KDM1B: variants seen among roughly 807,000 people sequenced by gnomAD.
KDM1B encodes the protein lysine demethylase 1B.
Under a neutral mutation model 107.4 loss-of-function variants are expected in KDM1B, and 63 were observed. The observed-to-expected ratio is 0.59, with a 90% confidence interval of 0.48 to 0.72. KDM1B has a LOEUF of 0.72. KDM1B is among the 30% of genes least tolerant of loss of function. KDM1B has a pLI of 0.00. For missense variants in KDM1B, 749 were observed against 1,020.8 expected (o/e 0.73, Z 3.63); for synonymous variants, 363 against 363.9 (o/e 1.00, Z 0.03).
At chr6:18,215,776 G>T (rs142298994) in intron 20 of KDM1B, among the ~76,000 whole-genome samples, 10 of 147,076 alleles carry the variant, frequency 6.8e-5, no homozygotes, top group African/African-American at 2.5e-4. Context: ...TAAAAGGCTC[G>T]GTATTTTCTA....
At position 18,202,244 on chromosome 6, in the gene KDM1B, A is replaced by AG. The variant is rs1554148412; in HGVS notation, c.1531+590dup. Among the ~76,000 whole-genome samples the AG allele has an allele frequency of 3.4e-3, 491 of 143,562 alleles. 4 individuals carry two copies. The highest frequency in any genetic ancestry group is 0.013 in the African/African-American group (463 of 35,814). The allele number at this position is 143,562 out of a possible 152,430, so 94.2% of individuals were successfully genotyped here. ...GTGAGCCTTGTGTCTACAAAAAAAA[A>AG]GGGCGGGGGGCAAGCATGGTGGTGT... On this transcript the variant is annotated intron_variant, in intron 14 of 21. Coordinates refer to ENST00000650836, the MANE Select transcript of KDM1B (RefSeq NM_001364614.2).
Position 18,208,185 on chromosome 6 carries a change from C to A in KDM1B, c.1845C>A (p.Gly615=), listed in dbSNP as rs1305016882. 2 of 1,613,186 alleles carry A rather than the reference C, an allele frequency of 1.2e-6. No homozygotes were observed. Reference sequence around the variant, plus strand: ...AAGTGCAGGTTACCACTACAGATGGCACAGGGTATTCTGCACAAAAGGTAA... The same window carrying A: ...AAGTGCAGGTTACCACTACAGATGGAACAGGGTATTCTGCACAAAAGGTAA... ...GDEVQVTTTD[G]TGYSAQKVLV... The change falls in exon 17 of 22, where the codon GGC becomes GGA. Residue 615 remains glycine (G), a synonymous_variant. Coordinates refer to ENST00000650836, the MANE Select transcript of KDM1B (RefSeq NM_001364614.2).
chr6:18,191,064 G>A lies in KDM1B; in HGVS notation c.785-133G>A. 2 of 603,512 alleles carry A rather than the reference G, an allele frequency of 3.3e-6. No individual in the cohort carries two copies. The highest frequency in any genetic ancestry group is 1.8e-5 in the African/African-American group (1 of 54,080). The allele number at this position is 603,512 out of a possible 1,614,324, so 37.4% of individuals were successfully genotyped here. A position where few individuals can be genotyped will look rare whatever the true frequency, so the allele number is the denominator to read the frequency against. On this transcript the variant is annotated intron_variant, in intron 9 of 21. Transcript: ENST00000650836. This position sits in a 1 kb window ranked among gnomAD's most constrained non-coding sequence, Gnocchi z 5.1. ...GTACGTTTTGTCTAACTGGGTGGAG[G>A]AAGCAAAGGTATTTATGTAGGGTAG...
Position 18,203,810 on chromosome 6 carries a change from G to T in KDM1B, c.1532-1727G>T, listed in dbSNP as rs1278265314. 6.7e-6 allele frequency among the ~76,000 whole-genome samples: 1 copy of T among 149,478 alleles called. No homozygotes were observed. Among genetic ancestry groups the T allele is most frequent in the Non-Finnish European group, 1.5e-5 (1 of 67,722 alleles). ...AGAGGTTGCAGTGAGACAAGATCAGGCCATTGCACTTCAGTCTTGATGACA... is the reference window on the plus strand; with the variant it reads ...AGAGGTTGCAGTGAGACAAGATCAGTCCATTGCACTTCAGTCTTGATGACA... On this transcript the variant is annotated intron_variant, in intron 14 of 21. Coordinates refer to ENST00000650836, the MANE Select transcript of KDM1B (RefSeq NM_001364614.2). This position sits in a 1 kb window ranked among gnomAD's most constrained non-coding sequence, Gnocchi z 5.5.
chr6:18,156,912 G>A (rs1409912275), intron 2 of KDM1B, among the ~76,000 whole-genome samples: 2 of 151,904 alleles, frequency 1.3e-5, no homozygotes, highest in African/African-American at 2.4e-5. Context: ...GGAAGACTCC[G>A]TCTCAAAAAA....
chr6:18,170,131 G>C (rs1255158747), intron 6 of KDM1B, among the ~76,000 whole-genome samples: 7 of 151,862 alleles, frequency 4.6e-5, no homozygotes, highest in African/African-American at 1.7e-4. Flanking sequence ...GGCTGGTCTT[G>C]AGCTCCTGAC....
rs1785696312 is a variant in KDM1B at position 18,172,030 on chromosome 6, G to T, written c.534+551G>T. The stretch of plus-strand genomic sequence containing the variant: ...TGTTTCGTTTTTATATAATGATGTT[G>T]ACACCATAAATGCAGCTTCCCTAAC... On this transcript the variant is annotated intron_variant, in intron 7 of 21. Coordinates refer to ENST00000650836, the MANE Select transcript of KDM1B (RefSeq NM_001364614.2). The surrounding 1 kb of genome is among the most constrained non-coding windows in gnomAD (Gnocchi z 5.2). Among the ~76,000 whole-genome samples the T allele has an allele frequency of 6.6e-6, 1 of 152,102 alleles. No individual in the cohort carries two copies.
chr6:18,160,731 C>G (rs1010669999), intron 3 of KDM1B, among the ~76,000 whole-genome samples: 1 of 128,900 alleles, frequency 7.8e-6, no homozygotes, highest in African/African-American at 2.9e-5. Flanking sequence ...GAGTGAGACT[C>G]TGTCTCAAAA....
At chr6:18,168,124 A>G (rs1236908325) in intron 6 of KDM1B, among the ~76,000 whole-genome samples, 1 of 152,230 alleles carries the variant, frequency 6.6e-6, no homozygotes, top group Non-Finnish European at 1.5e-5. Context: ...AGATTTTTTC[A>G]TTGAAGTAAA....
rs148571040 is a variant in KDM1B, at chr6:18,187,084, T to C, written c.574-708T>C. Among the ~76,000 whole-genome samples, 41 of 152,216 alleles carry C rather than the reference T, an allele frequency of 2.7e-4. 1 individual carries two copies. Among genetic ancestry groups the C allele is most frequent in the Middle Eastern group, 6.8e-3 (2 of 294 alleles). On this transcript the variant is annotated intron_variant, in intron 8 of 21. Coordinates refer to ENST00000650836, the MANE Select transcript of KDM1B (RefSeq NM_001364614.2). Reference sequence around the variant, plus strand: ...GTGTCAGATTGCATTTAGAAAAGCCTGTCTACCATGGATTGTGGCAGTGTT... The same window carrying C: ...GTGTCAGATTGCATTTAGAAAAGCCCGTCTACCATGGATTGTGGCAGTGTT...
intron 12 of KDM1B, among the ~76,000 whole-genome samples, chr6:18,198,802 G>A (rs974722982): frequency 6.6e-6 from 1 of 151,480 alleles, no homozygotes; most frequent in Non-Finnish European, 1.5e-5. Context: ...TATATTACAA[G>A]GAAGGTTATT....
At chr6:18,179,417 G>A (rs1470283012) in intron 7 of KDM1B, among the ~76,000 whole-genome samples, 1 of 152,130 alleles carries the variant, frequency 6.6e-6, no homozygotes, top group African/African-American at 2.4e-5. Context: ...GAAACGAGCA[G>A]TATATCCTCT....
In KDM1B at chr6:18,162,984, G is replaced by A. The variant is rs897172369; in HGVS notation, c.305+60G>A. The A allele has an allele frequency of 1.1e-5, 11 of 996,398 alleles. No homozygotes were observed. Among genetic ancestry groups the A allele is most frequent in the South Asian group, 2.6e-5 (2 of 78,250 alleles). 61.7% of individuals were successfully genotyped at this position (996,398 alleles called of 1,614,324 possible). ...AAGGGGACCGTGGCAGGGGCAGTGC[G>A]TGTGGTCAGCTGATTAAAGCTTAGT... On this transcript the variant is annotated intron_variant, in intron 5 of 21. Transcript: ENST00000650836. This position sits in a 1 kb window ranked among gnomAD's most constrained non-coding sequence, Gnocchi z 4.1.
rs1313379466 is a variant in KDM1B, at chr6:18,222,304, C to G, written c.*312C>G. The G allele has an allele frequency of 2.4e-6, 1 of 423,832 alleles. No homozygotes were observed. Among genetic ancestry groups the G allele is most frequent in the African/African-American group, 2.0e-5 (1 of 49,288 alleles). 26.3% of individuals were successfully genotyped at this position (423,832 alleles called of 1,614,324 possible). A position where few individuals can be genotyped will look rare whatever the true frequency, so the allele number is the denominator to read the frequency against. ...TGATTGTTCCATGGCTGGAAGTTCC[C>G]TTTAGATTTCACATTTTATATGGCT... On this transcript the variant is annotated 3_prime_UTR_variant, in exon 22 of 22. Coordinates refer to ENST00000650836, the MANE Select transcript of KDM1B (RefSeq NM_001364614.2).
rs1198176797 is a variant in KDM1B at position 18,210,358 on chromosome 6, T to TG, written c.1867-2130_1867-2129insG. On this transcript the variant is annotated intron_variant, in intron 17 of 21. Transcript: ENST00000650836. The stretch of plus-strand genomic sequence containing the variant: ...CTTTCTTTTCTTTTTTTTTTTTTTT[T>TG]TTTTTTTTTTTTTTGTTTTACAGGG... Among the ~76,000 whole-genome samples, 7 of 90,382 alleles carry TG rather than the reference T, an allele frequency of 7.7e-5. No individual in the cohort carries two copies. In the East Asian group the frequency reaches 1.3e-3, roughly 16 times the overall value. 59.3% of individuals were successfully genotyped at this position (90,382 alleles called of 152,430 possible). A position where few individuals can be genotyped will look rare whatever the true frequency, so the allele number is the denominator to read the frequency against.
At chr6:18,158,131 A>G (rs1045969079) in intron 2 of KDM1B, among the ~76,000 whole-genome samples, 12 of 152,108 alleles carry the variant, frequency 7.9e-5, no homozygotes, top group Non-Finnish European at 1.8e-4. Flanking sequence ...TACTTTGAAC[A>G]TCATTAGCAT....
intron 2 of KDM1B, among the ~76,000 whole-genome samples, chr6:18,156,916 CA>C (rs998120970): frequency 6.6e-6 from 1 of 150,818 alleles, no homozygotes; most frequent in Non-Finnish European, 1.5e-5. Context: ...GACTCCGTCT[CA>C]AAAAAAAGAA....
At chr6:18,208,603 G>GTGTATATATA (rs1359166965) in intron 17 of KDM1B, among the ~76,000 whole-genome samples, 8 of 34,894 alleles carry the variant, frequency 2.3e-4, no homozygotes, top group African/African-American at 4.7e-4. Flanking sequence ...GTATGTGTAT[G>GTGTATATATA]TATATATATA....
intron 7 of KDM1B, among the ~76,000 whole-genome samples, chr6:18,173,144 T>C (rs1304735373): frequency 6.6e-6 from 1 of 151,846 alleles, no homozygotes; most frequent in Non-Finnish European, 1.5e-5. Flanking sequence ...TTATGTTTAA[T>C]GTTTGCAAAA....
Sources: gnomAD v4.1 joint callset for allele counts (sites outside exome capture counted in the v4.1 genomes callset) on GRCh38, gnomAD v4.1.1 for gene constraint, Gnocchi (gnomAD v3.1) non-coding constraint, MANE v1.5 for transcripts, NCBI Gene and HGNC (gene_info 2026-07-23, HGNC 2026-07-21) for gene names.